The following FBXO17 variants were observed in gnomAD, a reference collection of about 807,000 sequenced individuals.
The protein encoded by FBXO17 is F-box only protein 17.
FBXO17 carries 43 observed loss-of-function variants against 34.1 expected under a neutral mutation model. The observed-to-expected ratio is 1.26, with a 90% CI of 0.99 to 1.62. The LOEUF is 1.62. Among genes scored for constraint, FBXO17 ranks in the 40% most tolerant of loss-of-function variants. The probability of loss-of-function intolerance (pLI) is 0.00; values close to 1 mark genes in which losing one functional copy is unlikely to be tolerated. For synonymous variants in FBXO17, 169 were observed against 166.0 expected, an observed-to-expected ratio of 1.02 and a Z score of -0.14; for missense variants, 424 against 386.7, an observed-to-expected ratio of 1.10 and a Z score of -0.81.
chr19:38,942,752 C>A lies in FBXO17; in HGVS notation c.694-1G>T. On this transcript the variant is annotated splice_acceptor_variant, in intron 5 of 5. Coordinates refer to ENST00000292852, the MANE Select transcript of FBXO17 (RefSeq NM_024907.7). LOFTEE classifies it high-confidence loss of function. ...CAAAGTTGGTGAAGACGTGGGAGAC[C>A]TGCAGGGGGAAGGGGAGTGAGAGGG... 6.2e-7 allele frequency: 1 copy of A among 1,602,842 alleles called. No homozygotes were observed. The highest frequency in any genetic ancestry group is 8.5e-7 in the Non-Finnish European group (1 of 1,175,482).
At chr19:38,957,439 CG>C (rs1411470852) in intron 1 of FBXO17, among the ~76,000 whole-genome samples, 2 of 150,110 alleles carry the variant, frequency 1.3e-5, no homozygotes, top group Non-Finnish European at 3.0e-5. Context: ...CTCCGCCTCC[CG>C]GGTTCAAGCG....
At position 38,942,267 on chromosome 19, in the gene FBXO17, T is replaced by TG. The variant is rs1974899151; in HGVS notation, c.*340_*341insC. 1 of 157,828 alleles carries TG rather than the reference T, an allele frequency of 6.3e-6. No homozygotes were observed. Among genetic ancestry groups the TG allele is most frequent in the Non-Finnish European group, 1.4e-5 (1 of 72,940 alleles). 9.8% of individuals were successfully genotyped at this position (157,828 alleles called of 1,614,324 possible). A position where few individuals can be genotyped will look rare whatever the true frequency, so the allele number is the denominator to read the frequency against. On this transcript the variant is annotated 3_prime_UTR_variant, in exon 6 of 6. Transcript: ENST00000292852. The stretch of plus-strand genomic sequence containing the variant: ...TCTGGCTGCAAAGCTGGTCTTTTTT[T>TG]TTTTTTTTTTCATTGATATAGGGTC...
intron 1 of FBXO17, among the ~76,000 whole-genome samples, chr19:38,964,224 T>C (rs1249239541): frequency 1.3e-5 from 2 of 152,194 alleles, no homozygotes; most frequent in Non-Finnish European, 2.9e-5. Flanking sequence ...CTATATGCAT[T>C]GCAGTTGCCA....
At chr19:38,971,745 C>G (rs931214390) in intron 1 of FBXO17, among the ~76,000 whole-genome samples, 1 of 151,120 alleles carries the variant, frequency 6.6e-6, no homozygotes, top group African/African-American at 2.4e-5. Flanking sequence ...CAAGACTGTG[C>G]CACTGCACTC....
intron 5 of FBXO17, among the ~76,000 whole-genome samples, chr19:38,944,281 A>T (rs141292064): frequency 0.016 from 2,279 of 143,252 alleles, 24 homozygotes; most frequent in Admixed American, 0.031. Context: ...TATTATTATT[A>T]TTTTTAGTTA....
At chr19:38,968,152 C>G (rs1378957641) in intron 1 of FBXO17, among the ~76,000 whole-genome samples, 1 of 151,980 alleles carries the variant, frequency 6.6e-6, no homozygotes, top group African/African-American at 2.4e-5. Flanking sequence ...AACCCTGTCT[C>G]TACTAAAAAC....
chr19:38,969,540 A>C (rs556016686), intron 1 of FBXO17, among the ~76,000 whole-genome samples: 2 of 150,676 alleles, frequency 1.3e-5, no homozygotes, highest in South Asian at 4.2e-4. Context: ...GAGAACTCCC[A>C]TACATTCCTG....
At chr19:38,969,423 C>CA (rs755663072) in intron 1 of FBXO17, among the ~76,000 whole-genome samples, 1 of 132,262 alleles carries the variant, frequency 7.6e-6, no homozygotes, top group Non-Finnish European at 1.6e-5. Context: ...GCCTGGGTGA[C>CA]AGAGACTCCA....
In FBXO17 at chr19:38,942,690, C is replaced by T. The variant is rs753139132; in HGVS notation, c.755G>A (p.Gly252Glu). The T allele has an allele frequency of 3.1e-6, 5 of 1,605,918 alleles. No homozygotes were observed. The highest frequency in any genetic ancestry group is 1.7e-5 in the Admixed American group (1 of 58,624). Residue 252 changes from glycine to glutamate, a missense_variant, in exon 6 of 6, where the codon GGG (glycine) becomes GAG (glutamate). By Grantham distance (98) the Gly-to-Glu change is moderately conservative. Coordinates refer to ENST00000292852, the MANE Select transcript of FBXO17 (RefSeq NM_024907.7). ...CCCCACCCAGGAACTCACGTCTCTC[C>T]CGTACTGCTCAAAAGATACGTAGCG... is the stretch of plus-strand genomic sequence containing the variant. ...GIRYVSFEQY[G>E]RDVSSWVGHY... is the part of the protein sequence containing the mutation.
At chr19:38,965,462 G>A (rs1230534085) in intron 1 of FBXO17, among the ~76,000 whole-genome samples, 1 of 151,468 alleles carries the variant, frequency 6.6e-6, no homozygotes, top group Non-Finnish European at 1.5e-5. Context: ...TGAGTAACTG[G>A]GACTACAGGC....
chr19:38,963,355 C>T (rs1435832802), intron 1 of FBXO17, among the ~76,000 whole-genome samples: 7 of 150,746 alleles, frequency 4.6e-5, no homozygotes, highest in South Asian at 2.1e-4. Flanking sequence ...AGGGCAGTGG[C>T]GCCATCATAG....
chr19:38,958,539 C>G (rs1975201643), intron 1 of FBXO17, among the ~76,000 whole-genome samples: 2 of 151,930 alleles, frequency 1.3e-5, no homozygotes, highest in Non-Finnish European at 1.5e-5. Context: ...TGAAAAGTAC[C>G]CACTGCAAGA....
chr19:38,974,018 G>GTATA (rs143909681), intron 1 of FBXO17, among the ~76,000 whole-genome samples: 18 of 129,180 alleles, frequency 1.4e-4, no homozygotes, highest in African/African-American at 5.0e-4. Flanking sequence ...ATATATATGT[G>GTATA]TATATATATA....
intron 1 of FBXO17, among the ~76,000 whole-genome samples, chr19:38,971,258 T>C (rs1975387415): frequency 6.6e-6 from 1 of 151,886 alleles, no homozygotes; most frequent in African/African-American, 2.4e-5. Flanking sequence ...TTGCTGCCAC[T>C]GTGAGGAGTT....
intron 1 of FBXO17, among the ~76,000 whole-genome samples, chr19:38,963,973 AG>A (rs1975288485): frequency 6.6e-6 from 1 of 151,872 alleles, no homozygotes; most frequent in African/African-American, 2.4e-5. Flanking sequence ...TAGTAGAGAC[AG>A]GGTTTCACCA....
intron 3 of FBXO17, chr19:38,947,144 C>T (rs368241370): frequency 6.5e-6 from 1 of 153,764 alleles, no homozygotes; most frequent in Non-Finnish European, 1.5e-5. Context: ...GGGGTGGTAA[C>T]GTTCCTTTCC....
At chr19:38,969,607 T>A (rs1478187772) in intron 1 of FBXO17, among the ~76,000 whole-genome samples, 1 of 109,646 alleles carries the variant, frequency 9.1e-6, no homozygotes, top group Non-Finnish European at 2.0e-5. Context: ...TTTTTTTTTT[T>A]TTTTTTTGAG....
intron 1 of FBXO17, among the ~76,000 whole-genome samples, chr19:38,970,090 C>T (rs2144844923): frequency 6.6e-6 from 1 of 151,372 alleles, no homozygotes; most frequent in Non-Finnish European, 1.5e-5. Context: ...ATAAGATGGA[C>T]TACTATATAG....
At chr19:38,948,764 C>G (rs961302819) in intron 2 of FBXO17, 86 bp from the exon 3 acceptor site, 2 of 1,076,668 alleles carry the variant, frequency 1.9e-6, no homozygotes, top group African/African-American at 1.6e-5. Context: ...GTGCTGTCCA[C>G]CAGCCTCTCC....
Sources: gnomAD v4.1 joint callset for allele counts (sites outside exome capture counted in the v4.1 genomes callset) on GRCh38, gnomAD v4.1.1 for gene constraint, MANE v1.5 for transcripts, NCBI Gene and HGNC (gene_info 2026-07-23, HGNC 2026-07-21) for gene names.